RBFOX1: variants seen among roughly 807,000 people sequenced by gnomAD.
RBFOX1 encodes RNA binding fox-1 homolog 1, also known as RNA binding protein fox-1 homolog 1.
RBFOX1 carries 8 observed loss-of-function variants against 57.7 expected under a neutral mutation model. The ratio of observed to expected loss-of-function variants is 0.14; its 90% CI spans 0.08 to 0.25. The LOEUF (loss-of-function observed/expected upper bound fraction) is 0.25, where lower values mean the gene tolerates loss of function less well. Among genes scored for constraint, RBFOX1 ranks in the 10% least tolerant of loss-of-function variants. RBFOX1 has a pLI of 1.00. For missense variants in RBFOX1, 611 were observed against 548.5 expected, an observed-to-expected ratio of 1.11 and a Z score of -1.14; for synonymous variants, 326 against 222.4, an observed-to-expected ratio of 1.47 and a Z score of -4.15.
chr16:6,979,675 CAAAT>C (rs1244875216), intron 3 of RBFOX1, among the ~76,000 whole-genome samples: 2 of 152,136 alleles, frequency 1.3e-5, no homozygotes, highest in African/African-American at 4.8e-5. Flanking sequence ...CAATAGAATT[CAAAT>C]AAATAAACAT....
At chr16:7,699,711 G>A (rs983780022) in intron 14 of RBFOX1, among the ~76,000 whole-genome samples, 2 of 151,842 alleles carry the variant, frequency 1.3e-5, no homozygotes, top group Admixed American at 6.6e-5. Context: ...TGAATATTCT[G>A]GAGAAAATAA....
intron 3 of RBFOX1, among the ~76,000 whole-genome samples, chr16:6,950,823 T>A (rs1248859264): frequency 6.6e-6 from 1 of 152,166 alleles, no homozygotes; most frequent in East Asian, 1.9e-4. Flanking sequence ...GGACTACATT[T>A]CCTTCCTCAG....
chr16:6,635,532 C>T (rs2098424371), intron 2 of RBFOX1, among the ~76,000 whole-genome samples: 1 of 151,890 alleles, frequency 6.6e-6, no homozygotes. Context: ...CAGGAGGAGA[C>T]AGTGAGCCAA....
chr16:6,019,888 G>T lies in RBFOX1; in HGVS notation c.-231G>T, dbSNP rs1374705510. 2.6e-6 allele frequency: 4 copies of T among 1,534,876 alleles called. No individual in the cohort carries two copies. The highest frequency in any genetic ancestry group is 3.5e-6 in the Non-Finnish European group (4 of 1,146,466). On this transcript the variant is annotated 5_prime_UTR_variant, in exon 1 of 16. Coordinates refer to ENST00000550418, the MANE Select transcript of RBFOX1 (RefSeq NM_018723.4). This position sits in a 1 kb window ranked among gnomAD's most constrained non-coding sequence, Gnocchi z 4.2. ...TGAGAAACCAGCACCCCCTTCCGCC[G>T]CCTCCAGCTTATGGTGAGTGTGGCT...
In RBFOX1 at chr16:6,019,084, C is replaced by T. The variant is rs1189594769; in HGVS notation, c.-1035C>T. The T allele has an allele frequency of 4.1e-6, 4 of 984,492 alleles. No homozygotes were observed. The highest frequency in any genetic ancestry group is 3.5e-5 in the African/African-American group (2 of 57,072). The allele number at this position is 984,492 out of a possible 1,614,324, so 61.0% of individuals were successfully genotyped here. A position where few individuals can be genotyped will look rare whatever the true frequency, so the allele number is the denominator to read the frequency against. ...TGCTTGTCGCGCGCTCACACACACACAGACACACACGCACACACACACATG... is the reference window on the plus strand; with the variant it reads ...TGCTTGTCGCGCGCTCACACACACATAGACACACACGCACACACACACATG... On this transcript the variant is annotated 5_prime_UTR_variant, in exon 1 of 16. Coordinates refer to ENST00000550418, the MANE Select transcript of RBFOX1 (RefSeq NM_018723.4). The surrounding 1 kb of genome is among the most constrained non-coding windows in gnomAD (Gnocchi z 4.2).
chr16:6,707,984 A>C (rs2063066657), intron 3 of RBFOX1, among the ~76,000 whole-genome samples: 1 of 152,114 alleles, frequency 6.6e-6, no homozygotes, highest in African/African-American at 2.4e-5. Context: ...GAAAACCTAG[A>C]CATCAGGTAG....
intron 5 of RBFOX1, among the ~76,000 whole-genome samples, chr16:7,576,885 T>A (rs11643745): frequency 0.32 from 48,111 of 151,992 alleles, 8,999 homozygotes; most frequent in East Asian, 0.53. Flanking sequence ...ACTGGAAGCT[T>A]AGGGTTTCAG....
chr16:6,138,328 T>C lies in RBFOX1; in HGVS notation c.-127+118336T>C, dbSNP rs147819737. On this transcript the variant is annotated intron_variant, in intron 1 of 15. Coordinates refer to ENST00000550418, the MANE Select transcript of RBFOX1 (RefSeq NM_018723.4). ...TGTATTGGGTCATATGTAACATAGG[T>C]AGCCAGTTCCAATACCATTATTGTT... 6.5e-3 allele frequency among the ~76,000 whole-genome samples: 996 copies of C among 152,276 alleles called. 7 individuals carry two copies. The highest frequency in any genetic ancestry group is 0.022 in the African/African-American group (926 of 41,556).
chr16:6,545,174 G>A (rs942976620), intron 2 of RBFOX1, among the ~76,000 whole-genome samples: 12 of 152,058 alleles, frequency 7.9e-5, no homozygotes, highest in African/African-American at 2.2e-4. Context: ...CAAACTACCC[G>A]CATCTGGACT....
chr16:5,911,122 G>A (rs1385000600), intron 4 of RBFOX1, among the ~76,000 whole-genome samples: 1 of 152,150 alleles, frequency 6.6e-6, no homozygotes, highest in African/African-American at 2.4e-5. Flanking sequence ...CATTGGACTG[G>A]CATTGATGGA....
intron 4 of RBFOX1, among the ~76,000 whole-genome samples, chr16:7,398,229 G>A (rs1319810622): frequency 1.3e-5 from 2 of 152,198 alleles, no homozygotes; most frequent in Non-Finnish European, 2.9e-5. Flanking sequence ...TTGCCTGACA[G>A]CTTATCACAG....
chr16:6,426,289 GT>G (rs1161600557), intron 2 of RBFOX1, among the ~76,000 whole-genome samples: 2 of 152,024 alleles, frequency 1.3e-5, no homozygotes, highest in African/African-American at 4.8e-5. Context: ...AGAGAGAAGG[GT>G]GAAGAAGGGA....
chr16:6,673,465 G>A, intron 3 of RBFOX1, among the ~76,000 whole-genome samples: 1 of 152,128 alleles, frequency 6.6e-6, no homozygotes, highest in Non-Finnish European at 1.5e-5. Flanking sequence ...GTGCATGCCT[G>A]TAATCCCAGC....
chr16:6,806,155 A>G (rs971830054), intron 3 of RBFOX1, among the ~76,000 whole-genome samples: 1 of 152,228 alleles, frequency 6.6e-6, no homozygotes, highest in African/African-American at 2.4e-5. Context: ...TAGAATAGAA[A>G]TGAGTATAGA....
chr16:6,089,938 T>C (rs1417966134), intron 1 of RBFOX1: 1 of 152,224 alleles, frequency 6.6e-6, no homozygotes, highest in African/African-American at 2.4e-5. Context: ...TGAAAGAATA[T>C]GGATTTAGTA....
intron 2 of RBFOX1, among the ~76,000 whole-genome samples, chr16:6,611,221 A>G (rs1396847489): frequency 6.6e-6 from 1 of 152,158 alleles, no homozygotes; most frequent in East Asian, 1.9e-4. Context: ...ATCTAGGATC[A>G]CTGCAACCTC....
chr16:6,164,897 G>A (rs953324621), intron 1 of RBFOX1, among the ~76,000 whole-genome samples: 16 of 152,252 alleles, frequency 1.1e-4, no homozygotes, highest in African/African-American at 3.4e-4. Flanking sequence ...AGAATCCTAC[G>A]AAGTTGAATT....
chr16:7,129,773 A>G (rs1429314620), intron 4 of RBFOX1, among the ~76,000 whole-genome samples: 1 of 150,330 alleles, frequency 6.7e-6, no homozygotes, highest in African/African-American at 2.5e-5. Flanking sequence ...TCCTAGCTGC[A>G]AAGAGACATT....
intron 3 of RBFOX1, among the ~76,000 whole-genome samples, chr16:5,627,031 C>G (rs781697328): frequency 1.3e-5 from 2 of 152,100 alleles, no homozygotes; most frequent in African/African-American, 2.4e-5. Flanking sequence ...TTGTTAATTA[C>G]TTTTATGTGA....
Sources: allele counts gnomAD v4.1 joint callset (sites outside exome capture counted in the v4.1 genomes callset), GRCh38; gene constraint gnomAD v4.1.1; non-coding constraint Gnocchi (gnomAD v3.1); transcripts MANE v1.5; gene names NCBI Gene and HGNC (gene_info 2026-07-23, HGNC 2026-07-21).